Variants in GALNT18 observed in about 807,000 individuals in gnomAD.
GALNT18 encodes polypeptide N-acetylgalactosaminyltransferase 18, also known as GalNAc-transferase 18.
Under a neutral mutation model 69.5 loss-of-function variants are expected in GALNT18, and 44 were observed. That is an observed-to-expected ratio of 0.63 (90% CI 0.50 to 0.81). The LOEUF (loss-of-function observed/expected upper bound fraction) is 0.81. GALNT18 is among the 40% of genes least tolerant of loss of function. The pLI is 0.00. For missense variants in GALNT18, 715 were observed against 810.0 expected (o/e 0.88, Z 1.42); for synonymous variants, 364 against 318.2 (o/e 1.14, Z -1.53).
intron 3 of GALNT18, among the ~76,000 whole-genome samples, chr11:11,400,673 C>T (rs932958858): frequency 6.6e-6 from 1 of 152,182 alleles, no homozygotes; most frequent in African/African-American, 2.4e-5. Flanking sequence ...CCTCACATGG[C>T]AAAAGGGGCA....
At chr11:11,588,938 G>A (rs1006775960) in intron 1 of GALNT18, among the ~76,000 whole-genome samples, 1 of 152,200 alleles carries the variant, frequency 6.6e-6, no homozygotes, top group African/African-American at 2.4e-5. Context: ...GCCTGATGAA[G>A]CAGGGTCAGT....
Position 11,596,883 on chromosome 11 carries a change from T to G in GALNT18, c.235+24476A>C, listed in dbSNP as rs917414622. 6.6e-6 allele frequency among the ~76,000 whole-genome samples: 1 copy of G among 152,170 alleles called. No homozygotes were observed. Among genetic ancestry groups the G allele is most frequent in the Non-Finnish European group, 1.5e-5 (1 of 68,006 alleles). On this transcript the variant is annotated intron_variant, in intron 1 of 10. Coordinates refer to ENST00000227756, the MANE Select transcript of GALNT18 (RefSeq NM_198516.3). The surrounding 1 kb of genome is among the most constrained non-coding windows in gnomAD (Gnocchi z 4.2). ...TGCTTCTGTTGTTCCTGATACTGAA[T>G]GATCTTAATGGTCATTCAGTCTTTG...
chr11:11,424,157 C>T (rs892761750), intron 3 of GALNT18, among the ~76,000 whole-genome samples: 3 of 152,238 alleles, frequency 2.0e-5, no homozygotes, highest in South Asian at 2.1e-4. Flanking sequence ...CCAGCCATCA[C>T]CTGCACCCAA....
chr11:11,516,943 C>T (rs2099434720), intron 1 of GALNT18, among the ~76,000 whole-genome samples: 1 of 152,214 alleles, frequency 6.6e-6, no homozygotes, highest in South Asian at 2.1e-4. Flanking sequence ...ATCCTAACCC[C>T]CAAGGTGGTG....
At chr11:11,477,761 C>A (rs1340803563) in intron 1 of GALNT18, among the ~76,000 whole-genome samples, 3 of 152,194 alleles carry the variant, frequency 2.0e-5, no homozygotes, top group Admixed American at 1.3e-4. Context: ...CACCCTATAG[C>A]AGAAGACTTA....
intron 1 of GALNT18, among the ~76,000 whole-genome samples, chr11:11,589,093 C>G (rs1303380993): frequency 6.6e-6 from 1 of 152,166 alleles, no homozygotes; most frequent in Non-Finnish European, 1.5e-5. Flanking sequence ...GAAACCCAGA[C>G]AAAAGAGATA....
chr11:11,350,044 A>ATAAC (rs1850371589), intron 6 of GALNT18, among the ~76,000 whole-genome samples: 1 of 152,250 alleles, frequency 6.6e-6, no homozygotes, highest in Non-Finnish European at 1.5e-5. Flanking sequence ...GGGATCCCTC[A>ATAAC]TAACTATCAG....
At position 11,383,707 on chromosome 11, in the gene GALNT18, G is replaced by A. The variant is rs978683970; in HGVS notation, c.596-4443C>T. On this transcript the variant is annotated intron_variant, in intron 3 of 10. Transcript: ENST00000227756. This position sits in a 1 kb window ranked among gnomAD's most constrained non-coding sequence, Gnocchi z 5.2. ...CCCCACCCAAATCTCATCTTGAATT[G>A]TAATCCCCATGTGTTAAGGTGATTG... is the stretch of plus-strand genomic sequence containing the variant. 6.6e-6 allele frequency among the ~76,000 whole-genome samples: 1 copy of A among 152,100 alleles called. No individual in the cohort carries two copies. Among genetic ancestry groups the A allele is most frequent in the Non-Finnish European group, 1.5e-5 (1 of 68,034 alleles).
In GALNT18 at chr11:11,281,045, C is replaced by T. The variant is rs142981217; in HGVS notation, c.1678-9755G>A. 9.7e-4 allele frequency among the ~76,000 whole-genome samples: 147 copies of T among 152,296 alleles called. 1 individual carries two copies. Among genetic ancestry groups the T allele is most frequent in the African/African-American group, 3.4e-3 (142 of 41,564 alleles). On this transcript the variant is annotated intron_variant, in intron 10 of 10. Transcript: ENST00000227756. Reference sequence around the variant, plus strand: ...GGCTGTGTTGCTGATGCTTCTTGAACAGATCTGTGGCCAGTTCCCTGGCCC... The same window carrying T: ...GGCTGTGTTGCTGATGCTTCTTGAATAGATCTGTGGCCAGTTCCCTGGCCC...
At chr11:11,283,064 G>T (rs564812282) in intron 10 of GALNT18, among the ~76,000 whole-genome samples, 1 of 152,136 alleles carries the variant, frequency 6.6e-6, no homozygotes, top group Non-Finnish European at 1.5e-5. Flanking sequence ...TGGCGGAGTC[G>T]TGGGCCCTGA....
chr11:11,403,676 C>G (rs1052523500), intron 3 of GALNT18, among the ~76,000 whole-genome samples: 1 of 152,204 alleles, frequency 6.6e-6, no homozygotes, highest in Admixed American at 6.5e-5. Context: ...AGGCTTTGAT[C>G]CAAGCCAGTG....
In GALNT18 at chr11:11,377,086, G is replaced by A. The variant is rs1173592870; in HGVS notation, c.977+96C>T. 5.8e-6 allele frequency: 7 copies of A among 1,212,464 alleles called. No individual in the cohort carries two copies. Among genetic ancestry groups the A allele is most frequent in the South Asian group, 5.5e-5 (4 of 73,098 alleles). The allele number at this position is 1,212,464 out of a possible 1,614,324, so 75.1% of individuals were successfully genotyped here. A position where few individuals can be genotyped will look rare whatever the true frequency, so the allele number is the denominator to read the frequency against. ...CCCTGCCCACCCCTGTCATCCCCAC[G>A]ATGGGGCTCAAGTTGGAGAATAAGC... On this transcript the variant is annotated intron_variant, in intron 5 of 10. Coordinates refer to ENST00000227756, the MANE Select transcript of GALNT18 (RefSeq NM_198516.3). The surrounding 1 kb of genome is among the most constrained non-coding windows in gnomAD (Gnocchi z 4.6).
intron 8 of GALNT18, among the ~76,000 whole-genome samples, chr11:11,328,141 G>A (rs1849957582): frequency 6.6e-6 from 1 of 152,156 alleles, no homozygotes; most frequent in Non-Finnish European, 1.5e-5. Flanking sequence ...AGGATATGAT[G>A]ATGCACGAGG....
At chr11:11,593,488 A>C (rs1388669055) in intron 1 of GALNT18, among the ~76,000 whole-genome samples, 1 of 152,234 alleles carries the variant, frequency 6.6e-6, no homozygotes, top group Non-Finnish European at 1.5e-5. Context: ...TGATGTTAAC[A>C]AAGGGGCTAT....
chr11:11,621,709 G>A lies in GALNT18; in HGVS notation c.-116C>T. 2.8e-6 allele frequency: 2 copies of A among 718,764 alleles called. No individual in the cohort carries two copies. Among genetic ancestry groups the A allele is most frequent in the Non-Finnish European group, 4.6e-6 (2 of 437,432 alleles). The allele number at this position is 718,764 out of a possible 1,614,324, so 44.5% of individuals were successfully genotyped here. A position where few individuals can be genotyped will look rare whatever the true frequency, so the allele number is the denominator to read the frequency against. On this transcript the variant is annotated 5_prime_UTR_variant, in exon 1 of 11. Transcript: ENST00000227756. The surrounding 1 kb of genome is among the most constrained non-coding windows in gnomAD (Gnocchi z 9.3). ...GGAGCCGCTGGGCACCTCAGCACCT[G>A]AGTCCCGAGGTTCTCCAAAGCCCGG...
chr11:11,324,676 CAT>C (rs1276849367), intron 9 of GALNT18, among the ~76,000 whole-genome samples: 1 of 151,860 alleles, frequency 6.6e-6, no homozygotes, highest in African/African-American at 2.4e-5. Context: ...AGCATTTTTT[CAT>C]ATGTTTGTTA....
chr11:11,456,491 C>G (rs952590178), intron 1 of GALNT18, among the ~76,000 whole-genome samples: 1 of 152,180 alleles, frequency 6.6e-6, no homozygotes, highest in Non-Finnish European at 1.5e-5. Flanking sequence ...CCTCCAGGGC[C>G]CCCCTGCAAC....
chr11:11,570,520 G>T (rs953130252), intron 1 of GALNT18, among the ~76,000 whole-genome samples: 1 of 152,142 alleles, frequency 6.6e-6, no homozygotes, highest in Non-Finnish European at 1.5e-5. Context: ...TTTTCCTCCT[G>T]GGGGACCCTG....
At chr11:11,559,905 T>A (rs913187093) in intron 1 of GALNT18, among the ~76,000 whole-genome samples, 104 of 46,774 alleles carry the variant, frequency 2.2e-3, no homozygotes, top group Non-Finnish European at 4.2e-3. Context: ...ATGGGATGGA[T>A]GGGATGGAAT....
Sources: allele counts gnomAD v4.1 joint callset (sites outside exome capture counted in the v4.1 genomes callset), GRCh38; gene constraint gnomAD v4.1.1; non-coding constraint Gnocchi (gnomAD v3.1); transcripts MANE v1.5; gene names NCBI Gene and HGNC (gene_info 2026-07-23, HGNC 2026-07-21).